Variants in NPAS3 observed in about 807,000 individuals in gnomAD.
The protein encoded by NPAS3 is neuronal PAS domain protein 3, also known as neuronal PAS domain-containing protein 3.
In NPAS3, 14 loss-of-function variants were observed where a neutral mutation model predicts 73.1. That is an observed-to-expected ratio of 0.19 (90% CI 0.13 to 0.30). The LOEUF (loss-of-function observed/expected upper bound fraction) is 0.30. Ranked by LOEUF, NPAS3 falls within the 10% of genes least tolerant of loss-of-function variation. NPAS3 has a pLI of 1.00. For synonymous variants in NPAS3, 620 were observed against 541.5 expected, an observed-to-expected ratio of 1.14 and a Z score of -2.01; for missense variants, 1,096 against 1,250.0, an observed-to-expected ratio of 0.88 and a Z score of 1.86.
chr14:33,403,738 T>A (rs1202919095), intron 4 of NPAS3, among the ~76,000 whole-genome samples: 1 of 152,138 alleles, frequency 6.6e-6, no homozygotes, highest in Non-Finnish European at 1.5e-5. Context: ...CTGCAGGACA[T>A]ACCTTCATGA....
chr14:33,296,057 C>T (rs75579542), intron 3 of NPAS3, among the ~76,000 whole-genome samples: 7,121 of 152,188 alleles, frequency 0.047, 164 homozygotes, highest in Non-Finnish European at 0.061. Context: ...CGAAGACTCT[C>T]GGTTTCTTCC....
intron 2 of NPAS3, among the ~76,000 whole-genome samples, chr14:33,068,178 T>C (rs2041346283): frequency 6.6e-6 from 1 of 152,216 alleles, no homozygotes; most frequent in East Asian, 1.9e-4. Flanking sequence ...TAACATATTT[T>C]CCTGCTCAAA....
Position 33,703,771 on chromosome 14 carries a change from TGA to T in NPAS3, c.733+27388_733+27389del, listed in dbSNP as rs368909840. ...CTGGTTTAATTCTTACCAAATCCTT[TGA>T]GGTAGGAACTATTATTAACCCCATT... On this transcript the variant is annotated intron_variant, in intron 6 of 11. Transcript: ENST00000356141. Among the ~76,000 whole-genome samples, 25 of 152,224 alleles carry T rather than the reference TGA, an allele frequency of 1.6e-4. 1 individual carries two copies. The highest frequency in any genetic ancestry group is 3.4e-3 in the Middle Eastern group (1 of 294).
intron 6 of NPAS3, among the ~76,000 whole-genome samples, chr14:33,718,494 A>G (rs1181127632): frequency 6.6e-6 from 1 of 152,180 alleles, no homozygotes; most frequent in Admixed American, 6.5e-5. Flanking sequence ...GAAATTTATC[A>G]GCCTAGAAAT....
intron 2 of NPAS3, among the ~76,000 whole-genome samples, chr14:33,172,058 T>G (rs12894601): frequency 0.29 from 43,777 of 152,066 alleles, 7,488 homozygotes; most frequent in South Asian, 0.47. Context: ...TATATAAGCA[T>G]GATTTGTGTA....
rs1196370688 is a variant in NPAS3, at chr14:33,779,444, C to G, written c.1153+872C>G. Among the ~76,000 whole-genome samples the G allele has an allele frequency of 3.3e-5, 5 of 152,176 alleles. No individual in the cohort carries two copies. In the South Asian group the frequency reaches 8.3e-4, roughly 25 times the overall value. ...TCCTGAAGATGAGTCTCCCCTACCC[C>G]CTATCCATGTCCCTGGAAGCTTCTA... On this transcript the variant is annotated intron_variant, in intron 9 of 11. Coordinates refer to ENST00000356141, the Ensembl canonical transcript of NPAS3.
chr14:33,264,161 C>T lies in NPAS3; in HGVS notation c.385+48735C>T, dbSNP rs140437211. Among the ~76,000 whole-genome samples the T allele has an allele frequency of 6.7e-3, 1,020 of 151,952 alleles. 7 individuals are homozygous for T. Among genetic ancestry groups the T allele is most frequent in the Non-Finnish European group, 0.011 (775 of 67,984 alleles). On this transcript the variant is annotated intron_variant, in intron 3 of 11. Transcript: ENST00000356141. ...GCTGGATACCATCATTCTCAGCAAACGATTGCAAGGACAAAAAACCAAACA... is the reference window on the plus strand; with the variant it reads ...GCTGGATACCATCATTCTCAGCAAATGATTGCAAGGACAAAAAACCAAACA...
chr14:32,946,208 TG>T (rs1267753433), intron 1 of NPAS3, among the ~76,000 whole-genome samples: 2 of 152,276 alleles, frequency 1.3e-5, no homozygotes, highest in South Asian at 4.1e-4. Context: ...TAGCATCGTG[TG>T]CTAATAAACA....
chr14:33,095,977 G>T (rs1454274705), intron 2 of NPAS3, among the ~76,000 whole-genome samples: 1 of 150,976 alleles, frequency 6.6e-6, no homozygotes, highest in Non-Finnish European at 1.5e-5. Flanking sequence ...CACCGCGCCT[G>T]GCCGGTCATT....
At chr14:33,172,639 G>A (rs1384807104) in intron 2 of NPAS3, among the ~76,000 whole-genome samples, 1 of 152,030 alleles carries the variant, frequency 6.6e-6, no homozygotes, top group Admixed American at 6.6e-5. Flanking sequence ...GGGGGGCTGA[G>A]GCAGAAGAAT....
At chr14:33,150,372 A>T (rs1275475644) in intron 2 of NPAS3, among the ~76,000 whole-genome samples, 3 of 152,190 alleles carry the variant, frequency 2.0e-5, no homozygotes, top group African/African-American at 7.2e-5. Flanking sequence ...GAACCTAAAG[A>T]CTCAAGCAAA....
At chr14:33,606,294 A>G (rs1595261677) in intron 5 of NPAS3, among the ~76,000 whole-genome samples, 1 of 136,870 alleles carries the variant, frequency 7.3e-6, no homozygotes, top group South Asian at 2.3e-4. Flanking sequence ...TCATTGTTCA[A>G]TTCCCACCTG....
chr14:33,209,920 G>A (rs1440259838), intron 2 of NPAS3, among the ~76,000 whole-genome samples: 5 of 151,174 alleles, frequency 3.3e-5, no homozygotes, highest in African/African-American at 1.2e-4. Context: ...GTGTGGATCT[G>A]TCAATAAGGT....
chr14:33,491,058 C>T (rs985628784), intron 4 of NPAS3, among the ~76,000 whole-genome samples: 1 of 152,188 alleles, frequency 6.6e-6, no homozygotes, highest in Admixed American at 6.5e-5. Flanking sequence ...TTCCTCAACC[C>T]TACCATGATT....
intron 4 of NPAS3, among the ~76,000 whole-genome samples, chr14:33,479,509 A>G (rs1489327961): frequency 6.6e-6 from 1 of 152,178 alleles, no homozygotes; most frequent in Non-Finnish European, 1.5e-5. Context: ...ACAATAAAAT[A>G]AAACAAGTTA....
rs537060164 is a variant in NPAS3, at chr14:33,275,459, T to A, written c.385+60033T>A. Among the ~76,000 whole-genome samples, 3 of 152,362 alleles carry A rather than the reference T, an allele frequency of 2.0e-5. No individual in the cohort carries two copies. In the South Asian group the frequency reaches 6.2e-4, roughly 32 times the overall value. On this transcript the variant is annotated intron_variant, in intron 3 of 11. Coordinates refer to ENST00000356141, the Ensembl canonical transcript of NPAS3. Reference sequence around the variant, plus strand: ...TATAAAATGTAGCCCACCACTTTGATGTGATTCACTACTATTTCACCAAAC... The same window carrying A: ...TATAAAATGTAGCCCACCACTTTGAAGTGATTCACTACTATTTCACCAAAC...
chr14:33,080,647 G>A (rs2041836437), intron 2 of NPAS3, among the ~76,000 whole-genome samples: 1 of 152,172 alleles, frequency 6.6e-6, no homozygotes, highest in African/African-American at 2.4e-5. Context: ...CATTTGAGAT[G>A]AGAGAGCTGC....
chr14:33,149,836 G>A (rs2044380076), intron 2 of NPAS3, among the ~76,000 whole-genome samples: 1 of 152,108 alleles, frequency 6.6e-6, no homozygotes, highest in Admixed American at 6.5e-5. Flanking sequence ...GGCAGAATGT[G>A]CAGGTTTGTT....
intron 2 of NPAS3, among the ~76,000 whole-genome samples, chr14:33,176,683 C>A (rs981971910): frequency 2.0e-5 from 3 of 152,074 alleles, no homozygotes; most frequent in African/African-American, 7.2e-5. Flanking sequence ...TGAATGTTGG[C>A]GTACAAATAT....
Sources: allele counts gnomAD v4.1 joint callset (sites outside exome capture counted in the v4.1 genomes callset), GRCh38; gene constraint gnomAD v4.1.1; transcripts MANE v1.5; gene names NCBI Gene and HGNC (gene_info 2026-07-23, HGNC 2026-07-21).